Variants in LRP1B observed in about 807,000 individuals in gnomAD.
The protein encoded by LRP1B is LDL receptor related protein 1B.
Under a neutral mutation model 556.6 loss-of-function variants are expected in LRP1B, and 217 were observed. The observed-to-expected ratio is 0.39, with a 90% CI of 0.35 to 0.44. The LOEUF (loss-of-function observed/expected upper bound fraction) is 0.44. Ranked by LOEUF, LRP1B falls within the 20% of genes least tolerant of loss-of-function variation. LRP1B has a pLI of 1.00. For synonymous variants in LRP1B, 2,047 were observed against 1,865.8 expected, an observed-to-expected ratio of 1.10 and a Z score of -2.50; for missense variants, 5,053 against 5,620.8, an observed-to-expected ratio of 0.90 and a Z score of 3.23.
chr2:140,866,220 T>G (rs761108681), intron 27 of LRP1B, among the ~76,000 whole-genome samples: 9 of 152,112 alleles, frequency 5.9e-5, no homozygotes, highest in Non-Finnish European at 8.8e-5. Flanking sequence ...CATTCATATC[T>G]TATAAGTGCT....
At chr2:141,968,146 C>T (rs1314636642) in intron 1 of LRP1B, among the ~76,000 whole-genome samples, 2 of 151,770 alleles carry the variant, frequency 1.3e-5, no homozygotes, top group Non-Finnish European at 2.9e-5. Context: ...GCTAAATGTG[C>T]AGCATTACTT....
chr2:140,950,327 C>G lies in LRP1B; in HGVS notation c.3044G>C (p.Ser1015Thr), dbSNP rs761750344. 1 of 1,613,272 alleles carries G rather than the reference C, an allele frequency of 6.2e-7. No homozygotes were observed. Among genetic ancestry groups the G allele is most frequent in the East Asian group, 2.2e-5 (1 of 44,758 alleles). Residue 1015 changes from serine to threonine, a missense_variant, in exon 20 of 91, where the codon AGT (serine) becomes ACT (threonine). Around this residue, in one of 5 missense-constraint regions of LRP1B, gnomAD observed 3,619 missense variants for 3,931.9 expected, o/e 0.92. Coordinates refer to ENST00000389484, the MANE Select transcript of LRP1B (RefSeq NM_018557.3). ...CCAGTGGCCTGGGATGCATCTGCCA[C>G]TGGAACATCTGAACTGATTATCAAA... ...SCFDNQFRCS[S>T]GRCIPGHWAC...
intron 27 of LRP1B, among the ~76,000 whole-genome samples, chr2:140,853,124 C>T (rs1320705642): frequency 3.9e-5 from 6 of 151,980 alleles, no homozygotes; most frequent in Admixed American, 1.3e-4. Flanking sequence ...TCCCTCCACC[C>T]CTCTTTCCTG....
chr2:140,876,616 A>G (rs981567175), intron 25 of LRP1B, among the ~76,000 whole-genome samples: 8 of 152,116 alleles, frequency 5.3e-5, no homozygotes, highest in African/African-American at 1.9e-4. Context: ...AGTAAAGAAC[A>G]TCATTTTTAT....
intron 3 of LRP1B, among the ~76,000 whole-genome samples, chr2:141,454,605 T>A (rs1681558753): frequency 6.6e-6 from 1 of 152,066 alleles, no homozygotes; most frequent in Admixed American, 6.6e-5. Context: ...TACTTTAGAT[T>A]TACCTACATA....
At chr2:140,557,902 AAT>A (rs1680791407) in intron 43 of LRP1B, among the ~76,000 whole-genome samples, 1 of 152,132 alleles carries the variant, frequency 6.6e-6, no homozygotes, top group Admixed American at 6.6e-5. Flanking sequence ...TCTTCCCAGG[AAT>A]ATATTCTTCT....
intron 35 of LRP1B, among the ~76,000 whole-genome samples, chr2:140,758,258 A>C (rs953595812): frequency 6.7e-6 from 1 of 149,198 alleles, no homozygotes; most frequent in African/African-American, 2.5e-5. Flanking sequence ...GCTAATCATA[A>C]CATAGGAGAG....
At position 140,495,559 on chromosome 2, in the gene LRP1B, C is replaced by A; in HGVS notation, c.9034+6G>T. 6.4e-7 allele frequency: 1 copy of A among 1,571,816 alleles called. No individual in the cohort carries two copies. The highest frequency in any genetic ancestry group is 8.7e-7 in the Non-Finnish European group (1 of 1,148,438). On this transcript the variant is annotated splice_donor_region_variant and intron_variant, in intron 56 of 90. Transcript: ENST00000389484. ...GTTGGATCAGTGGGCAAGTTCAATTCGATACCTGAGAGCGATTTGCAGCCA... is the reference window on the plus strand; with the variant it reads ...GTTGGATCAGTGGGCAAGTTCAATTAGATACCTGAGAGCGATTTGCAGCCA...
At chr2:140,278,926 T>A (rs1002257289) in intron 84 of LRP1B, among the ~76,000 whole-genome samples, 1 of 151,916 alleles carries the variant, frequency 6.6e-6, no homozygotes, top group African/African-American at 2.4e-5. Flanking sequence ...TCTGTGAAAA[T>A]CTTCTATCTC....
At chr2:140,733,727 A>G (rs979632467) in intron 35 of LRP1B, among the ~76,000 whole-genome samples, 1 of 152,194 alleles carries the variant, frequency 6.6e-6, no homozygotes, top group Non-Finnish European at 1.5e-5. Flanking sequence ...CAGGAATAGG[A>G]GGAAACTTTC....
At chr2:140,783,004 C>T (rs767553724) in intron 32 of LRP1B, among the ~76,000 whole-genome samples, 7 of 152,080 alleles carry the variant, frequency 4.6e-5, no homozygotes, top group Admixed American at 6.6e-5. Flanking sequence ...CTGCCCTATT[C>T]GAAAATAGTC....
chr2:141,702,836 C>T (rs1691990844), intron 2 of LRP1B, among the ~76,000 whole-genome samples: 1 of 151,882 alleles, frequency 6.6e-6, no homozygotes, highest in Admixed American at 6.6e-5. Flanking sequence ...AAGTAAACTA[C>T]TTGAGCTTCT....
At chr2:141,868,269 G>A (rs1698478059) in intron 1 of LRP1B, among the ~76,000 whole-genome samples, 1 of 152,010 alleles carries the variant, frequency 6.6e-6, no homozygotes, top group African/African-American at 2.4e-5. Flanking sequence ...ACAGAGAGAT[G>A]CCCCGGTGAG....
intron 2 of LRP1B, among the ~76,000 whole-genome samples, chr2:141,689,137 C>G (rs1041436540): frequency 6.6e-6 from 1 of 151,866 alleles, no homozygotes; most frequent in African/African-American, 2.4e-5. Flanking sequence ...TTTTTACCAT[C>G]GTTTTCCCTT....
intron 1 of LRP1B, among the ~76,000 whole-genome samples, chr2:142,091,824 G>C (rs1055821956): frequency 1.1e-4 from 17 of 152,172 alleles, no homozygotes; most frequent in Admixed American, 9.8e-4. Context: ...CTACGGATGA[G>C]CATGTGACCC....
At chr2:140,707,414 G>A (rs1686878191) in intron 37 of LRP1B, among the ~76,000 whole-genome samples, 1 of 151,962 alleles carries the variant, frequency 6.6e-6, no homozygotes, top group Non-Finnish European at 1.5e-5. Flanking sequence ...AAACAAAAAA[G>A]AAAGCCAAAT....
intron 3 of LRP1B, among the ~76,000 whole-genome samples, chr2:141,471,530 C>A (rs1004631034): frequency 6.6e-6 from 1 of 152,076 alleles, no homozygotes; most frequent in African/African-American, 2.4e-5. Flanking sequence ...TTGTAATGTT[C>A]TTCCTTTCCT....
intron 3 of LRP1B, among the ~76,000 whole-genome samples, chr2:141,457,961 G>A (rs898112537): frequency 2.6e-5 from 4 of 152,176 alleles, no homozygotes; most frequent in Non-Finnish European, 4.4e-5. Flanking sequence ...AAGGGAATCA[G>A]TAGTTAAAAT....
chr2:140,514,156 C>T (rs1277966274), intron 51 of LRP1B, among the ~76,000 whole-genome samples: 1 of 151,844 alleles, frequency 6.6e-6, no homozygotes, highest in African/African-American at 2.4e-5. Flanking sequence ...TTTTAAAGTG[C>T]ATTTTAATAT....
Sources: gnomAD v4.1 joint callset for allele counts (sites outside exome capture counted in the v4.1 genomes callset) on GRCh38, gnomAD v4.1.1 for gene constraint, gnomAD v4.1.1 regional missense constraint, MANE v1.5 for transcripts, NCBI Gene and HGNC (gene_info 2026-07-23, HGNC 2026-07-21) for gene names.